Variants in FGFRL1 observed in about 807,000 individuals in gnomAD.
FGFRL1 encodes the protein fibroblast growth factor receptor-like 1.
Under a neutral mutation model 36.8 loss-of-function variants are expected in FGFRL1, and 24 were observed. The ratio of observed to expected loss-of-function variants is 0.65; its 90% CI spans 0.47 to 0.92. The LOEUF is 0.92. Among genes scored for constraint, FGFRL1 ranks in the 40% least tolerant of loss-of-function variants. FGFRL1 has a pLI of 0.00. For missense variants in FGFRL1, 785 were observed against 753.4 expected, an observed-to-expected ratio of 1.04 and a Z score of -0.49; for synonymous variants, 422 against 344.1, an observed-to-expected ratio of 1.23 and a Z score of -2.50.
chr4:1,017,380 G>A (rs1406818388), intron 2 of FGFRL1, among the ~76,000 whole-genome samples: 11 of 152,146 alleles, frequency 7.2e-5, no homozygotes, highest in Admixed American at 2.6e-4. Context: ...GCTCCTCAGC[G>A]GTCAGCTCCA....
upstream of FGFRL1, chr4:1,011,396 CGGGGCGGGGGCGGG>C (rs1577551779): frequency 7.7e-5 from 1 of 13,064 alleles, no homozygotes; most frequent in East Asian, 2.5e-3. Flanking sequence ...CGGGTTGGGG[CGGGGCGGGGGCGGG>C]GGCGGGGCCG....
chr4:1,022,826 T>G (rs1317137992), intron 3 of FGFRL1, among the ~76,000 whole-genome samples: 1 of 151,500 alleles, frequency 6.6e-6, no homozygotes, highest in Non-Finnish European at 1.5e-5. Context: ...GGTTTCGGAG[T>G]TCAGAGGAGC....
upstream of FGFRL1, chr4:1,011,083 T>A (rs2153024462): frequency 6.6e-6 from 1 of 152,086 alleles, no homozygotes; most frequent in Non-Finnish European, 1.5e-5. Flanking sequence ...GCTTCTCCCT[T>A]CTGCTCCCGA....
upstream of FGFRL1, among the ~76,000 whole-genome samples, chr4:1,010,592 G>C (rs1372695819): frequency 6.6e-6 from 1 of 152,232 alleles, no homozygotes; most frequent in Non-Finnish European, 1.5e-5. Flanking sequence ...TGCTCTGGGG[G>C]ATGGAGGAGG....
chr4:1,014,346 C>T (rs1313482233), intron 2 of FGFRL1, among the ~76,000 whole-genome samples: 2 of 151,934 alleles, frequency 1.3e-5, no homozygotes, highest in Admixed American at 6.6e-5. Flanking sequence ...ACAGTGGGAA[C>T]TTGAGAGGTT....
In FGFRL1 at chr4:1,022,429, C is replaced by T. The variant is rs768117149; in HGVS notation, c.306C>T (p.Thr102=). 6 of 1,610,730 alleles carry T rather than the reference C, an allele frequency of 3.7e-6. No individual in the cohort carries two copies. The South Asian group carries it at 5.5e-5, about 15-fold the overall frequency. ...CCGGCGTGTACGTGTGCAAGGCCAC[C>T]AACGGCTTCGGCAGCCTGAGCGTCA... ...EDAGVYVCKA[T]NGFGSLSVNY... The change falls in exon 3 of 7, where the codon ACC becomes ACT. Residue 102 remains threonine, a synonymous_variant. Transcript: ENST00000510644.
chr4:1,019,316 A>T (rs115983866), intron 2 of FGFRL1, among the ~76,000 whole-genome samples: 3,657 of 152,292 alleles, frequency 0.024, 136 homozygotes, highest in African/African-American at 0.073. Context: ...TCTTCTGGAC[A>T]GTTGTGTGGG....
chr4:1,022,871 G>A (rs1325722891), intron 3 of FGFRL1, among the ~76,000 whole-genome samples: 1 of 152,088 alleles, frequency 6.6e-6, no homozygotes, highest in Non-Finnish European at 1.5e-5. Context: ...TCTCTTCTGC[G>A]CCTGGGGCCC....
chr4:1,010,466 C>G (rs1359303960), upstream of FGFRL1, among the ~76,000 whole-genome samples: 4 of 152,278 alleles, frequency 2.6e-5, no homozygotes, highest in African/African-American at 4.8e-5. Context: ...TGGCGCCCCC[C>G]ACGCCCCGCC....
rs376072293 is a variant in FGFRL1, at chr4:1,024,442, G to T, written c.850G>T (p.Val284Leu). Residue 284 changes from valine (V) to leucine (L), a missense_variant, in exon 6 of 7, where the codon GTG becomes TTG. By Grantham distance (32) the Val-to-Leu change is conservative (BLOSUM62 1). Coordinates refer to ENST00000510644, the MANE Select transcript of FGFRL1 (RefSeq NM_001004356.3). ...VKPVIQWLKR[V>L]EYGAEGRHNS... ...GCCGGTGATCCAGTGGCTGAAGCGC[G>T]TGGAGTACGGCGCCGAGGGCCGCCA... is the stretch of plus-strand genomic sequence containing the variant. 42 of 1,612,448 alleles carry T rather than the reference G, an allele frequency of 2.6e-5. No homozygotes were observed. The highest frequency in any genetic ancestry group is 3.6e-5 in the Non-Finnish European group (42 of 1,179,854).
In FGFRL1 at chr4:1,024,371, T is replaced by C. The variant is rs748784356; in HGVS notation, c.779T>C (p.Phe260Ser). ...CACCCCGTGAACACGACGGTGGACT[T>C]CGGGGGGACCACGTCCTTCCAGTGC... The part of the protein sequence containing the change: ...GTHPVNTTVD[F>S]GGTTSFQCKV... The change falls in exon 6 of 7, where the codon TTC (phenylalanine) becomes TCC (serine). Residue 260 changes from phenylalanine to serine, a missense_variant. Coordinates refer to ENST00000510644, the MANE Select transcript of FGFRL1 (RefSeq NM_001004356.3). 6 of 1,612,336 alleles carry C rather than the reference T, an allele frequency of 3.7e-6. No individual in the cohort carries two copies. The East Asian group carries it at 1.3e-4, about 36-fold the overall frequency.
intron 2 of FGFRL1, among the ~76,000 whole-genome samples, chr4:1,014,925 AC>A (rs1329680769): frequency 6.6e-6 from 1 of 152,204 alleles, no homozygotes; most frequent in African/African-American, 2.4e-5. Flanking sequence ...GGAAACGCCG[AC>A]CGCAGACTCC....
chr4:1,015,527 G>C (rs1715843256), intron 2 of FGFRL1, among the ~76,000 whole-genome samples: 1 of 152,230 alleles, frequency 6.6e-6, no homozygotes, highest in Non-Finnish European at 1.5e-5. Flanking sequence ...TAGCAGGAGA[G>C]GTGGGTACCA....
At chr4:1,010,767 G>C (rs1390957710), upstream of FGFRL1, among the ~76,000 whole-genome samples, 1 of 152,128 alleles carries the variant, frequency 6.6e-6, no homozygotes, top group African/African-American at 2.4e-5. Flanking sequence ...GACGGCAGGC[G>C]AGGCGTGTGG....
intron 2 of FGFRL1, among the ~76,000 whole-genome samples, chr4:1,013,175 T>A (rs1715698760): frequency 6.6e-6 from 1 of 152,220 alleles, no homozygotes; most frequent in Non-Finnish European, 1.5e-5. Context: ...CACGCTGTGC[T>A]GGCCTGGTAC....
intron 2 of FGFRL1, 103 bp downstream of exon 2, chr4:1,012,667 GC>G (rs940707181): frequency 2.1e-6 from 1 of 467,204 alleles, no homozygotes; most frequent in African/African-American, 2.1e-5. Flanking sequence ...CACGCGCCAT[GC>G]CCCGCCCCTG....
At chr4:1,014,977 T>A (rs1267052930) in intron 2 of FGFRL1, among the ~76,000 whole-genome samples, 1 of 152,206 alleles carries the variant, frequency 6.6e-6, no homozygotes, top group Non-Finnish European at 1.5e-5. Context: ...CCGGGCTCCC[T>A]TTCAGCCGCA....
chr4:1,013,120 G>A (rs1715694756), intron 2 of FGFRL1, among the ~76,000 whole-genome samples: 1 of 152,226 alleles, frequency 6.6e-6, no homozygotes, highest in African/African-American at 2.4e-5. Flanking sequence ...GTGTGGACAA[G>A]TCCCCAGAGC....
rs1716499372 is a variant in FGFRL1, at chr4:1,025,894, T to TA, written c.*548dup. 1 of 162,294 alleles carries TA rather than the reference T, an allele frequency of 6.2e-6. No individual in the cohort carries two copies. Among genetic ancestry groups the TA allele is most frequent in the South Asian group, 1.7e-4 (1 of 6,020 alleles). 10.1% of individuals were successfully genotyped at this position (162,294 alleles called of 1,614,324 possible). ...ACACACACACACACGTGTGCACAGA[T>TA]ATGCTGTCTGGACACGCACACACAT... On this transcript the variant is annotated 3_prime_UTR_variant, in exon 7 of 7. Transcript: ENST00000510644.
Sources: allele counts gnomAD v4.1 joint callset (sites outside exome capture counted in the v4.1 genomes callset), GRCh38; gene constraint gnomAD v4.1.1; transcripts MANE v1.5; gene names NCBI Gene and HGNC (gene_info 2026-07-23, HGNC 2026-07-21).